The following MED31 variants were observed in gnomAD, a reference collection of about 807,000 sequenced individuals.
The protein encoded by MED31 is mediator complex subunit 31, also known as mediator of RNA polymerase II transcription subunit 31.
In MED31, 11 loss-of-function variants were observed where a neutral mutation model predicts 22.0. That is an observed-to-expected ratio of 0.50 (90% CI 0.31 to 0.83). The LOEUF (loss-of-function observed/expected upper bound fraction) is 0.83. Among genes scored for constraint, MED31 ranks in the 40% least tolerant of loss-of-function variants. The pLI is 0.04. For missense variants in MED31, 122 were observed against 155.3 expected (o/e 0.79, Z 1.14); for synonymous variants, 60 against 55.1 (o/e 1.09, Z -0.40).
Position 6,644,163 on chromosome 17 carries a change from CT to C in MED31, c.*303del, listed in dbSNP as rs1178572708. On this transcript the variant is annotated 3_prime_UTR_variant, in exon 4 of 4. Transcript: ENST00000225728. ...ATTCAGTATACTTGGTGGCCCACCC[CT>C]ACCCCATGCCCCAGTGCCTTATTTG... is the stretch of plus-strand genomic sequence containing the variant. 1 of 446,950 alleles carries C rather than the reference CT, an allele frequency of 2.2e-6. No homozygotes were observed. Among genetic ancestry groups the C allele is most frequent in the Non-Finnish European group, 3.9e-6 (1 of 254,584 alleles). 27.7% of individuals were successfully genotyped at this position (446,950 alleles called of 1,614,324 possible). A position where few individuals can be genotyped will look rare whatever the true frequency, so the allele number is the denominator to read the frequency against.
intron 3 of MED31, among the ~76,000 whole-genome samples, chr17:6,649,001 G>A (rs764995081): frequency 7.9e-5 from 12 of 152,144 alleles, no homozygotes; most frequent in Admixed American, 4.6e-4. Flanking sequence ...TTATTAAATG[G>A]ATAAAAAGCC....
At chr17:6,644,746 T>C in intron 3 of MED31, 87 bp from the exon 4 acceptor site, 1 of 1,393,432 alleles carries the variant, frequency 7.2e-7, no homozygotes, top group Admixed American at 2.9e-5. Flanking sequence ...AAAAACGATC[T>C]TGTAGCCTAC....
At chr17:6,644,844 A>C (rs1972746950) in intron 3 of MED31, among the ~76,000 whole-genome samples, 185 bp from the exon 4 acceptor site, 1 of 152,236 alleles carries the variant, frequency 6.6e-6, no homozygotes, top group Non-Finnish European at 1.5e-5. Context: ...AATATTTTCG[A>C]AAATGAGAAG....
At position 6,651,582 on chromosome 17, in the gene MED31, C is replaced by T. The variant is rs1354438886; in HGVS notation, c.-54G>A. 3.7e-6 allele frequency: 6 copies of T among 1,611,462 alleles called. No individual in the cohort carries two copies. The highest frequency in any genetic ancestry group is 2.7e-5 in the African/African-American group (2 of 74,848). On this transcript the variant is annotated 5_prime_UTR_variant, in exon 1 of 4. Coordinates refer to ENST00000225728, the MANE Select transcript of MED31 (RefSeq NM_016060.3). ...GCCTGACAGAGCAAAAGCCCAGAGA[C>T]GCGGGCGAAGTTCCGGAAACCACGG...
At position 6,648,917 on chromosome 17, in the gene MED31, A is replaced by G. The variant is rs141913902; in HGVS notation, c.203+1065T>C. ...AAACTTGTTGGTGGCTAAGGCTTCC[A>G]ACACTGAGTCTGTAAATCTACATAC... On this transcript the variant is annotated intron_variant, in intron 3 of 3. Coordinates refer to ENST00000225728, the MANE Select transcript of MED31 (RefSeq NM_016060.3). 2.8e-3 allele frequency among the ~76,000 whole-genome samples: 427 copies of G among 152,356 alleles called. 3 individuals carry two copies. Among genetic ancestry groups the G allele is most frequent in the African/African-American group, 9.8e-3 (406 of 41,582 alleles).
chr17:6,647,218 G>A (rs114792525), intron 3 of MED31, among the ~76,000 whole-genome samples: 1,882 of 152,272 alleles, frequency 0.012, 48 homozygotes, highest in African/African-American at 0.044. Flanking sequence ...GACCGGCACT[G>A]GTGCGGGTCC....
rs530843738 is a variant in MED31, at chr17:6,651,586, G to A, written c.-58C>T. On this transcript the variant is annotated 5_prime_UTR_variant, in exon 1 of 4. Coordinates refer to ENST00000225728, the MANE Select transcript of MED31 (RefSeq NM_016060.3). The stretch of plus-strand genomic sequence containing the variant: ...GACAGAGCAAAAGCCCAGAGACGCG[G>A]GCGAAGTTCCGGAAACCACGGCTCC... 7 of 1,610,754 alleles carry A rather than the reference G, an allele frequency of 4.3e-6. No homozygotes were observed. The highest frequency in any genetic ancestry group is 4.0e-5 in the African/African-American group (3 of 74,838).
In MED31 at chr17:6,644,274, G is replaced by A. The variant is rs1350471057; in HGVS notation, c.*193C>T. On this transcript the variant is annotated 3_prime_UTR_variant, in exon 4 of 4. Transcript: ENST00000225728. Reference sequence around the variant, plus strand: ...GAAAAACACCTTACAAATCCACAGGGAAATCAAAGAACAATTCAGGTTTAA... The same window carrying A: ...GAAAAACACCTTACAAATCCACAGGAAAATCAAAGAACAATTCAGGTTTAA... 4 of 592,524 alleles carry A rather than the reference G, an allele frequency of 6.8e-6. No individual in the cohort carries two copies. The highest frequency in any genetic ancestry group is 1.1e-5 in the Non-Finnish European group (4 of 378,578). The allele number at this position is 592,524 out of a possible 1,614,324, so 36.7% of individuals were successfully genotyped here.
At chr17:6,647,630 G>T (rs575873991) in intron 3 of MED31, among the ~76,000 whole-genome samples, 42 of 152,344 alleles carry the variant, frequency 2.8e-4, no homozygotes, top group South Asian at 2.5e-3. Flanking sequence ...AGACAGCAAA[G>T]ATTTGCTATC....
At chr17:6,649,834 C>G in intron 3 of MED31, 148 bp downstream of exon 3, 1 of 769,216 alleles carries the variant, frequency 1.3e-6, no homozygotes, top group Non-Finnish European at 1.9e-6. Flanking sequence ...TGCAGTGTTA[C>G]AAGTTAGAGA....
intron 3 of MED31, among the ~76,000 whole-genome samples, chr17:6,649,146 G>C (rs1162346597): frequency 6.7e-6 from 1 of 149,458 alleles, no homozygotes; most frequent in African/African-American, 2.5e-5. Context: ...TTTTTTAAAG[G>C]TTCATTATTG....
chr17:6,649,802 A>G (rs1244998972), intron 3 of MED31, 180 bp downstream of exon 3: 1 of 557,912 alleles, frequency 1.8e-6, no homozygotes, highest in East Asian at 3.8e-5. Context: ...GTGGAAGCAC[A>G]GATAACCAGG....
In MED31 at chr17:6,644,516, T is replaced by C; in HGVS notation, c.347A>G (p.Gln116Arg). 6.2e-7 allele frequency: 1 copy of C among 1,610,414 alleles called. No homozygotes were observed. The highest frequency in any genetic ancestry group is 8.5e-7 in the Non-Finnish European group (1 of 1,179,104). Reference protein sequence around the residue: ...QHYSRKRMRLQQALAEQQQQN... With the variant: ...QHYSRKRMRLRQALAEQQQQN... ...CTGTTGCTGCTCTGCCAAGGCTTGC[T>C]GAAGGCGCATCCGCTTCCGGGAATA... The change falls in exon 4 of 4, where the codon CAG becomes CGG. Residue 116 changes from glutamine to arginine, a missense_variant. Coordinates refer to ENST00000225728, the MANE Select transcript of MED31 (RefSeq NM_016060.3).
In MED31 at chr17:6,651,535, C is replaced by T. The variant is rs1972836046; in HGVS notation, c.-7G>A. The T allele has an allele frequency of 2.5e-6, 4 of 1,614,114 alleles. No homozygotes were observed. Among genetic ancestry groups the T allele is most frequent in the Non-Finnish European group, 3.4e-6 (4 of 1,179,998 alleles). ...TAGCGACAGCAGCGGCCATAACAAA[C>T]GAAGACACCAAAACGCCACCAGCCT... On this transcript the variant is annotated 5_prime_UTR_variant, in exon 1 of 4. Coordinates refer to ENST00000225728, the MANE Select transcript of MED31 (RefSeq NM_016060.3).
rs1298997808 is a variant in MED31, at chr17:6,643,517, G to A, written c.*950C>T. 6.5e-6 allele frequency: 1 copy of A among 153,102 alleles called. No homozygotes were observed. The highest frequency in any genetic ancestry group is 2.4e-5 in the African/African-American group (1 of 41,462). The allele number at this position is 153,102 out of a possible 1,614,324, so 9.5% of individuals were successfully genotyped here. On this transcript the variant is annotated 3_prime_UTR_variant, in exon 4 of 4. Coordinates refer to ENST00000225728, the MANE Select transcript of MED31 (RefSeq NM_016060.3). ...AACAGACTCCTGAGCACTAGAAGCA[G>A]TTTGTTTTGCAGCTGTCTCAATGTG...
rs150664285 is a variant in MED31 at position 6,645,191 on chromosome 17, T to G, written c.204-532A>C. 2.4e-4 allele frequency among the ~76,000 whole-genome samples: 37 copies of G among 152,368 alleles called. 1 individual carries two copies. In the East Asian group the frequency reaches 6.9e-3, roughly 29 times the overall value. On this transcript the variant is annotated intron_variant, in intron 3 of 3. Coordinates refer to ENST00000225728, the MANE Select transcript of MED31 (RefSeq NM_016060.3). ...TACTGTGGATAAGGACAGCCAAATT[T>G]CTGGCTATCAGAAAAGGAGTTATAG...
intron 1 of MED31, among the ~76,000 whole-genome samples, 189 bp from the exon 2 acceptor site, chr17:6,650,622 AGAAGTTTCTCT>A (rs1972820906): frequency 6.6e-6 from 1 of 152,250 alleles, no homozygotes; most frequent in Non-Finnish European, 1.5e-5. Flanking sequence ...GGAGTAAGTT[AGAAGTTTCTCT>A]AAAGTTAAAG....
chr17:6,646,378 G>C (rs1282837385), intron 3 of MED31, among the ~76,000 whole-genome samples: 2 of 152,180 alleles, frequency 1.3e-5, no homozygotes, highest in African/African-American at 2.4e-5. Flanking sequence ...TTAACATATA[G>C]GAAGTGTGGG....
chr17:6,651,364 C>G, intron 1 of MED31, 137 bp downstream of exon 1: 2 of 1,179,876 alleles, frequency 1.7e-6, no homozygotes, highest in East Asian at 2.5e-5. Context: ...TCTTTCTAGA[C>G]GCTACAAGAG....
Sources: gnomAD v4.1 joint callset for allele counts (sites outside exome capture counted in the v4.1 genomes callset) on GRCh38, gnomAD v4.1.1 for gene constraint, MANE v1.5 for transcripts, NCBI Gene and HGNC (gene_info 2026-07-23, HGNC 2026-07-21) for gene names.